GPR158: variants seen among roughly 807,000 people sequenced by gnomAD.
GPR158 encodes G protein-coupled receptor 158, also known as metabotropic glycine receptor.
A neutral mutation model predicts 78.2 loss-of-function variants in GPR158; 30 were observed. The ratio of observed to expected loss-of-function variants is 0.38; its 90% CI spans 0.29 to 0.52. The LOEUF (loss-of-function observed/expected upper bound fraction) is 0.52, where lower values mean the gene tolerates loss of function less well. Ranked by LOEUF, GPR158 falls within the 20% of genes least tolerant of loss-of-function variation. The pLI is 0.83. For missense variants in GPR158, 1,463 were observed against 1,523.5 expected, an observed-to-expected ratio of 0.96 and a Z score of 0.66; for synonymous variants, 581 against 591.1, an observed-to-expected ratio of 0.98 and a Z score of 0.25.
chr10:25,448,007 A>G (rs1386776179), intron 4 of GPR158, among the ~76,000 whole-genome samples: 1 of 152,096 alleles, frequency 6.6e-6, no homozygotes, highest in Non-Finnish European at 1.5e-5. Flanking sequence ...TTCTAGCAGC[A>G]TAGATTAGCT....
intron 7 of GPR158, among the ~76,000 whole-genome samples, chr10:25,586,188 C>T (rs551985234): frequency 7.4e-4 from 113 of 152,124 alleles, no homozygotes; most frequent in African/African-American, 2.3e-3. Flanking sequence ...GACACGTTGA[C>T]GCCTCACAGA....
chr10:25,338,562 T>TTGTATATTATTATATATAATACATATTA, intron 2 of GPR158, among the ~76,000 whole-genome samples: 1 of 50,760 alleles, frequency 2.0e-5, no homozygotes, highest in Admixed American at 2.1e-4. Flanking sequence ...ATAATACGTA[T>TTGTATATTATTATATATAATACATATTA]TGTATATTAT....
chr10:25,189,818 GAAAA>G (rs1852746188), intron 1 of GPR158, among the ~76,000 whole-genome samples: 1 of 145,076 alleles, frequency 6.9e-6, no homozygotes, highest in South Asian at 2.2e-4. Context: ...AAAAAAAAGA[GAAAA>G]GAAAGGAAAG....
At chr10:25,403,050 A>G (rs1443965471) in intron 3 of GPR158, among the ~76,000 whole-genome samples, 2 of 151,804 alleles carry the variant, frequency 1.3e-5, no homozygotes, top group Non-Finnish European at 2.9e-5. Context: ...ATGTCTGTAT[A>G]TATCATCTTT....
chr10:25,188,452 A>G (rs1235108301), intron 1 of GPR158, among the ~76,000 whole-genome samples: 1 of 152,204 alleles, frequency 6.6e-6, no homozygotes, highest in African/African-American at 2.4e-5. Context: ...CCAATGGAAC[A>G]GAACAGAGCC....
In GPR158 at chr10:25,594,345, C is replaced by A; in HGVS notation, c.1946C>A (p.Ala649Glu). The A allele has an allele frequency of 6.3e-7, 1 of 1,596,542 alleles. No homozygotes were observed. Among genetic ancestry groups the A allele is most frequent in the Non-Finnish European group, 8.6e-7 (1 of 1,165,222 alleles). Residue 649 changes from alanine (A) to glutamate (E), a missense_variant, in exon 9 of 11, where the codon GCA (alanine) becomes GAA (glutamate). Physicochemically the swap from Ala to Glu is moderately radical, Grantham distance 107 (BLOSUM62 -1). Coordinates refer to ENST00000376351, the MANE Select transcript of GPR158 (RefSeq NM_020752.3). ...QSDWMLMLYF[A>E]HTHLTVTVTI... is the part of the protein sequence containing the mutation. ...GATTGGATGTTGATGCTGTATTTTG[C>A]ACATACTCATTTGACTGTGACAGTC...
intron 2 of GPR158, among the ~76,000 whole-genome samples, chr10:25,383,458 C>G (rs1029094462): frequency 6.6e-6 from 1 of 152,108 alleles, no homozygotes; most frequent in Non-Finnish European, 1.5e-5. Context: ...GTTTCCACTG[C>G]AGAGACTTAC....
chr10:25,370,082 C>A (rs1480550463), intron 2 of GPR158, among the ~76,000 whole-genome samples: 1 of 149,036 alleles, frequency 6.7e-6, no homozygotes, highest in African/African-American at 2.4e-5. Flanking sequence ...GTCTTGCTAG[C>A]GGTCTATCAA....
intron 2 of GPR158, among the ~76,000 whole-genome samples, chr10:25,354,725 G>C (rs1588819562): frequency 6.6e-6 from 1 of 151,962 alleles, no homozygotes; most frequent in Non-Finnish European, 1.5e-5. Context: ...GCTCCCTTTA[G>C]CATTTTCTGA....
chr10:25,421,131 G>T (rs947490), intron 4 of GPR158, among the ~76,000 whole-genome samples: 3 of 151,376 alleles, frequency 2.0e-5, no homozygotes, highest in African/African-American at 7.3e-5. Context: ...CTTTCATTTT[G>T]CTTAGTAATG....
At chr10:25,500,344 C>A (rs777528400) in intron 5 of GPR158, among the ~76,000 whole-genome samples, 12 of 152,096 alleles carry the variant, frequency 7.9e-5, no homozygotes, top group Non-Finnish European at 1.3e-4. Flanking sequence ...GAAAAAGGTG[C>A]CTGTGTGAGG....
At chr10:25,246,839 T>A (rs1207806313) in intron 2 of GPR158, among the ~76,000 whole-genome samples, 1 of 152,234 alleles carries the variant, frequency 6.6e-6, no homozygotes, top group Non-Finnish European at 1.5e-5. Context: ...GAGATCCTTT[T>A]CATAGTACCT....
chr10:25,586,240 C>T (rs906233947), intron 7 of GPR158, among the ~76,000 whole-genome samples: 2 of 152,056 alleles, frequency 1.3e-5, no homozygotes, highest in African/African-American at 4.8e-5. Context: ...AAGTCAAGGT[C>T]TAGAAACCAC....
chr10:25,354,812 G>T (rs1855526205), intron 2 of GPR158, among the ~76,000 whole-genome samples: 2 of 152,026 alleles, frequency 1.3e-5, no homozygotes, highest in Non-Finnish European at 2.9e-5. Context: ...ATATTTGAAG[G>T]ATAGCTTTGC....
intron 5 of GPR158, among the ~76,000 whole-genome samples, chr10:25,490,071 C>T (rs1835784914): frequency 6.6e-6 from 1 of 151,966 alleles, no homozygotes; most frequent in African/African-American, 2.4e-5. Flanking sequence ...AGAGGAAACC[C>T]AGCTGGGCAA....
intron 3 of GPR158, among the ~76,000 whole-genome samples, chr10:25,399,749 G>A (rs1198487558): frequency 6.6e-6 from 1 of 152,150 alleles, no homozygotes; most frequent in Non-Finnish European, 1.5e-5. Context: ...GGTCATCATC[G>A]AAGAACTACT....
In GPR158 at chr10:25,175,620, G is replaced by T. The variant is rs773861324; in HGVS notation, c.200G>T (p.Gly67Val). 3 of 1,611,044 alleles carry T rather than the reference G, an allele frequency of 1.9e-6. No individual in the cohort carries two copies. The highest frequency in any genetic ancestry group is 2.5e-6 in the Non-Finnish European group (3 of 1,179,916). Residue 67 changes from glycine (G) to valine (V), a missense_variant, in exon 1 of 11, where the codon GGC becomes GTC. By Grantham distance (109) the Gly-to-Val change is moderately radical. Coordinates refer to ENST00000376351, the MANE Select transcript of GPR158 (RefSeq NM_020752.3). The surrounding 1 kb of genome is among the most constrained non-coding windows in gnomAD (Gnocchi z 6.4). Reference protein sequence around the residue: ...SSAPWSRSTDGTILAQKLAEE... With the variant: ...SSAPWSRSTDVTILAQKLAEE... ...GCTCCCTGGAGCCGCTCCACCGATGGCACCATCTTGGCGCAGAAACTCGCC... is the reference window on the plus strand; with the variant it reads ...GCTCCCTGGAGCCGCTCCACCGATGTCACCATCTTGGCGCAGAAACTCGCC...
At chr10:25,273,392 A>G (rs951809511) in intron 2 of GPR158, among the ~76,000 whole-genome samples, 19 of 139,672 alleles carry the variant, frequency 1.4e-4, no homozygotes, top group Non-Finnish European at 2.4e-4. Flanking sequence ...TTCTTAACAC[A>G]TTGGCATCTT....
At chr10:25,341,130 C>G (rs1855297709) in intron 2 of GPR158, among the ~76,000 whole-genome samples, 1 of 151,890 alleles carries the variant, frequency 6.6e-6, no homozygotes, top group South Asian at 2.1e-4. Context: ...TTGAAATAAA[C>G]TCATTTTCAG....
Sources: allele counts gnomAD v4.1 joint callset (sites outside exome capture counted in the v4.1 genomes callset), GRCh38; gene constraint gnomAD v4.1.1; non-coding constraint Gnocchi (gnomAD v3.1); transcripts MANE v1.5; gene names NCBI Gene and HGNC (gene_info 2026-07-23, HGNC 2026-07-21).